Variants in WWC1 observed in about 807,000 individuals in gnomAD.
WWC1 encodes WW and C2 domain containing 1.
A neutral mutation model predicts 138.4 loss-of-function variants in WWC1; 55 were observed. The ratio of observed to expected loss-of-function variants is 0.40; its 90% confidence interval spans 0.32 to 0.50. The LOEUF is 0.50. WWC1 is among the 20% of genes least tolerant of loss of function. The pLI is 0.72. For missense variants in WWC1, 1,226 were observed against 1,420.4 expected, an observed-to-expected ratio of 0.86 and a Z score of 2.20; for synonymous variants, 524 against 564.9, an observed-to-expected ratio of 0.93 and a Z score of 1.03.
chr5:168,362,744 A>G (rs1775972017), intron 1 of WWC1, among the ~76,000 whole-genome samples: 1 of 152,152 alleles, frequency 6.6e-6, no homozygotes, highest in Admixed American at 6.5e-5. Flanking sequence ...AAGCATAGAG[A>G]CTCAAGATGG....
chr5:168,435,215 G>A (rs1782258234), intron 15 of WWC1, among the ~76,000 whole-genome samples: 1 of 152,130 alleles, frequency 6.6e-6, no homozygotes, highest in African/African-American at 2.4e-5. Context: ...GGCTGTTCTT[G>A]TAGGTTCTGC....
chr5:168,356,956 C>T (rs1406057020), intron 1 of WWC1, among the ~76,000 whole-genome samples: 1 of 152,126 alleles, frequency 6.6e-6, no homozygotes, highest in East Asian at 1.9e-4. Context: ...TGTGGGAAGT[C>T]TCTGAGTGTC....
chr5:168,406,165 T>C (rs1248113930), intron 5 of WWC1, 33 bp from the exon 6 acceptor site: 1 of 1,611,512 alleles, frequency 6.2e-7, no homozygotes, highest in South Asian at 1.1e-5. Flanking sequence ...TCACCCTATC[T>C]AAGGCTGACC....
At chr5:168,437,217 A>G (rs1436979717) in intron 15 of WWC1, among the ~76,000 whole-genome samples, 1 of 152,060 alleles carries the variant, frequency 6.6e-6, no homozygotes, top group African/African-American at 2.4e-5. Context: ...TCCACCCTAT[A>G]TAAATCCCAT....
intron 9 of WWC1, among the ~76,000 whole-genome samples, chr5:168,421,382 T>A (rs1285208946): frequency 6.6e-6 from 1 of 152,224 alleles, no homozygotes; most frequent in East Asian, 1.9e-4. Context: ...CCAGTTCAAA[T>A]TGGGCCTCTC....
intron 1 of WWC1, among the ~76,000 whole-genome samples, chr5:168,343,989 G>A (rs960236456): frequency 1.3e-5 from 2 of 152,104 alleles, no homozygotes; most frequent in Admixed American, 1.3e-4. Flanking sequence ...TTACACATTG[G>A]AGAACACTGC....
At chr5:168,408,399 C>T (rs1779968612) in intron 6 of WWC1, 108 bp from the exon 7 acceptor site, 3 of 1,332,340 alleles carry the variant, frequency 2.3e-6, no homozygotes, top group Admixed American at 2.0e-5. Flanking sequence ...GGGGAGGGCA[C>T]AGGTTCCTAA....
chr5:168,342,398 G>C (rs537033052), intron 1 of WWC1, among the ~76,000 whole-genome samples: 2 of 152,242 alleles, frequency 1.3e-5, no homozygotes, highest in Non-Finnish European at 2.9e-5. Flanking sequence ...GGCAGTGTTA[G>C]GTGCTGTGGG....
At chr5:168,375,352 A>G (rs1267972424) in intron 2 of WWC1, among the ~76,000 whole-genome samples, 6 of 152,048 alleles carry the variant, frequency 3.9e-5, no homozygotes, top group Non-Finnish European at 8.8e-5. Flanking sequence ...GAAACATATC[A>G]AGCAGAGAAT....
chr5:168,453,897 G>T (rs751102574), intron 17 of WWC1, 71 bp from the exon 18 acceptor site: 5 of 1,594,218 alleles, frequency 3.1e-6, no homozygotes, highest in Non-Finnish European at 4.3e-6. Context: ...CCTACCTTGG[G>T]TGTATTAAAG....
In WWC1 at chr5:168,292,477, G is replaced by A. The variant is rs544034089; in HGVS notation, c.119+206G>A. ...CCACCGAGAGGAGGCGCCTGCCGGG[G>A]AGCTGGCCCAGGCTGCCCCACCGCC... On this transcript the variant is annotated intron_variant, in intron 1 of 22. Coordinates refer to ENST00000265293, the MANE Select transcript of WWC1 (RefSeq NM_015238.3). This position sits in a 1 kb window ranked among gnomAD's most constrained non-coding sequence, Gnocchi z 4.4. 8.4e-4 allele frequency among the ~76,000 whole-genome samples: 128 copies of A among 152,164 alleles called. No homozygotes were observed. The highest frequency in any genetic ancestry group is 2.9e-3 in the African/African-American group (121 of 41,542).
intron 1 of WWC1, among the ~76,000 whole-genome samples, chr5:168,330,058 C>A (rs773963448): frequency 6.6e-6 from 1 of 152,016 alleles, no homozygotes; most frequent in African/African-American, 2.4e-5. Context: ...TGCAGTGAGC[C>A]GAGATCGCAC....
intron 20 of WWC1, among the ~76,000 whole-genome samples, chr5:168,463,565 G>A (rs1756999790): frequency 6.6e-6 from 1 of 152,210 alleles, no homozygotes; most frequent in Non-Finnish European, 1.5e-5. Context: ...AATGGGATTT[G>A]AGAAACCATT....
At chr5:168,467,042 A>G (rs963763932) in intron 21 of WWC1, among the ~76,000 whole-genome samples, 2 of 152,330 alleles carry the variant, frequency 1.3e-5, no homozygotes, top group Middle Eastern at 3.4e-3. Context: ...CGGGCAGATC[A>G]CAAGGTCAGG....
At chr5:168,427,986 G>A (rs758213976) in intron 11 of WWC1, 47 bp from the exon 12 acceptor site, 2 of 1,554,898 alleles carry the variant, frequency 1.3e-6, no homozygotes, top group Admixed American at 1.7e-5. Context: ...GAGTCGCAAA[G>A]GCAGTTTCCT....
At chr5:168,393,316 C>A (rs1402805397) in intron 3 of WWC1, among the ~76,000 whole-genome samples, 1 of 152,138 alleles carries the variant, frequency 6.6e-6, no homozygotes, top group Non-Finnish European at 1.5e-5. Flanking sequence ...ACCAAGATAT[C>A]TCACTGTGGA....
At chr5:168,443,158 C>G (rs1754945369) in intron 16 of WWC1, among the ~76,000 whole-genome samples, 1 of 152,082 alleles carries the variant, frequency 6.6e-6, no homozygotes, top group Non-Finnish European at 1.5e-5. Context: ...ACGGTTGTTC[C>G]CTCTGTCGAT....
chr5:168,452,666 A>G (rs1755935974), intron 17 of WWC1, among the ~76,000 whole-genome samples: 1 of 152,204 alleles, frequency 6.6e-6, no homozygotes, highest in Non-Finnish European at 1.5e-5. Flanking sequence ...ATATTCATGC[A>G]TAGACTTGTA....
intron 16 of WWC1, among the ~76,000 whole-genome samples, chr5:168,443,519 G>A (rs1409478484): frequency 6.6e-6 from 1 of 152,098 alleles, no homozygotes; most frequent in Admixed American, 6.6e-5. Context: ...TAAAGGTCTC[G>A]AAAACAAACT....
Sources: gnomAD v4.1 joint callset for allele counts (sites outside exome capture counted in the v4.1 genomes callset) on GRCh38, gnomAD v4.1.1 for gene constraint, Gnocchi (gnomAD v3.1) non-coding constraint, MANE v1.5 for transcripts, NCBI Gene and HGNC (gene_info 2026-07-23, HGNC 2026-07-21) for gene names.